Variants in RNF126 observed in about 807,000 individuals in gnomAD.
RNF126 encodes the protein ring finger protein 126.
In RNF126, 20 loss-of-function variants were observed where a neutral mutation model predicts 41.9. The observed-to-expected ratio is 0.48, with a 90% CI of 0.34 to 0.69. The LOEUF (loss-of-function observed/expected upper bound fraction) is 0.69. Among genes scored for constraint, RNF126 ranks in the 30% least tolerant of loss-of-function variants. The pLI is 0.01. For missense variants in RNF126, 433 were observed against 460.6 expected (o/e 0.94, Z 0.55); for synonymous variants, 239 against 202.9 (o/e 1.18, Z -1.51).
At position 651,838 on chromosome 19, in the gene RNF126, C is replaced by T. The variant is rs994988852; in HGVS notation, c.216G>A (p.Leu72=). ...RPPLEHVDQH[L]FTLPQGYGQF... ...GTCCGTAGCCCTGCGGCAGCGTGAA[C>T]AGGTGCTGGTCCACGTGCTGGGGAG... Residue 72 remains leucine (L), a synonymous_variant, in exon 4 of 9, where the codon CTG becomes CTA. Coordinates refer to ENST00000292363, the MANE Select transcript of RNF126 (RefSeq NM_194460.3). 1.2e-6 allele frequency: 2 copies of T among 1,610,892 alleles called. No homozygotes were observed. Among genetic ancestry groups the T allele is most frequent in the African/African-American group, 1.3e-5 (1 of 74,872 alleles).
chr19:661,990 G>A (rs1241576714), intron 1 of RNF126, among the ~76,000 whole-genome samples: 1 of 152,070 alleles, frequency 6.6e-6, no homozygotes, highest in Non-Finnish European at 1.5e-5. Flanking sequence ...TCACCACTTT[G>A]CACGTCAGCC....
chr19:660,798 T>C (rs1007144449), intron 1 of RNF126, among the ~76,000 whole-genome samples: 6 of 152,174 alleles, frequency 3.9e-5, no homozygotes, highest in African/African-American at 1.4e-4. Context: ...CACACCCCAC[T>C]AATTGTTTTA....
At chr19:654,575 G>C (rs1021038815) in intron 1 of RNF126, among the ~76,000 whole-genome samples, 1 of 146,128 alleles carries the variant, frequency 6.8e-6, no homozygotes, top group Non-Finnish European at 1.5e-5. Context: ...CCCGGGAGGC[G>C]GAGGTTGCAG....
intron 1 of RNF126, among the ~76,000 whole-genome samples, chr19:655,786 A>G (rs896064105): frequency 4.6e-5 from 7 of 152,260 alleles, no homozygotes; most frequent in African/African-American, 1.2e-4. Context: ...ACAGTTCATC[A>G]TCGTCGTCGG....
At position 659,162 on chromosome 19, in the gene RNF126, C is replaced by T. The variant is rs1389571040; in HGVS notation, c.75+3885G>A. On this transcript the variant is annotated intron_variant, in intron 1 of 8. Transcript: ENST00000292363. The surrounding 1 kb of genome is among the most constrained non-coding windows in gnomAD (Gnocchi z 4.9). ...AGGCTGTCACTGTCACGGTATCTGG[C>T]ACAACCGCAGACACACAGAGCAAGC... Among the ~76,000 whole-genome samples, 2 of 152,176 alleles carry T rather than the reference C, an allele frequency of 1.3e-5. No individual in the cohort carries two copies. The highest frequency in any genetic ancestry group is 4.8e-5 in the African/African-American group (2 of 41,434).
intron 1 of RNF126, among the ~76,000 whole-genome samples, chr19:655,618 C>T (rs753018657): frequency 4.6e-5 from 7 of 151,996 alleles, no homozygotes; most frequent in African/African-American, 7.2e-5. Flanking sequence ...TGCAAGACCC[C>T]GTCAGGCCTG....
chr19:648,465 C>A lies in RNF126; in HGVS notation c.693G>T (p.Val231=). ...EHVGSGLECP[V]CKDDYALGER... ...CACCCAGCGCGTAGTCGTCCTTGCA[C>A]ACAGGGCACTCGAGCCCGGAGCCTG... The change falls in exon 8 of 9, where the codon GTG becomes GTT. Residue 231 remains valine (V), a synonymous_variant. Coordinates refer to ENST00000292363, the MANE Select transcript of RNF126 (RefSeq NM_194460.3). The A allele has an allele frequency of 6.3e-7, 1 of 1,585,280 alleles. No homozygotes were observed. The highest frequency in any genetic ancestry group is 8.6e-7 in the Non-Finnish European group (1 of 1,169,306).
chr19:654,121 C>T (rs551224314), intron 1 of RNF126, among the ~76,000 whole-genome samples: 1 of 152,348 alleles, frequency 6.6e-6, no homozygotes, highest in East Asian at 1.9e-4. Flanking sequence ...GCTGGGCCCC[C>T]GCCCACACCA....
intron 1 of RNF126, among the ~76,000 whole-genome samples, chr19:660,167 C>G (rs2030735438): frequency 6.6e-6 from 1 of 152,256 alleles, no homozygotes; most frequent in Middle Eastern, 3.2e-3. Flanking sequence ...TCACGAGTCA[C>G]CAGGAGAGCG....
intron 1 of RNF126, among the ~76,000 whole-genome samples, chr19:661,046 A>G (rs1362763757): frequency 1.3e-5 from 2 of 152,248 alleles, no homozygotes; most frequent in South Asian, 2.1e-4. Context: ...CTCCCTGGCC[A>G]GCCTGTAAAT....
At chr19:652,666 G>T in intron 2 of RNF126, 160 bp downstream of exon 2, 1 of 675,582 alleles carries the variant, frequency 1.5e-6, no homozygotes. Context: ...GAAGAGAACG[G>T]CACGCTGCTG....
rs1011330137 is a variant in RNF126, at chr19:658,554, G to C, written c.75+4493C>G. Among the ~76,000 whole-genome samples the C allele has an allele frequency of 2.0e-5, 3 of 152,236 alleles. No homozygotes were observed. The Middle Eastern group carries it at 0.01, about 518-fold the overall frequency. On this transcript the variant is annotated intron_variant, in intron 1 of 8. Transcript: ENST00000292363. ...CTTCCCGGCTGATCCACAGTGTGTG[G>C]GCCCCGCAGCCCCAGAGGCACGGGC...
At chr19:661,920 C>T (rs1422145332) in intron 1 of RNF126, among the ~76,000 whole-genome samples, 1 of 152,188 alleles carries the variant, frequency 6.6e-6, no homozygotes, top group Non-Finnish European at 1.5e-5. Context: ...TGCCACTTTC[C>T]CGCTGAGCCA....
rs548436367 is a variant in RNF126, at chr19:660,590, G to A, written c.75+2457C>T. 4.6e-5 allele frequency among the ~76,000 whole-genome samples: 7 copies of A among 152,300 alleles called. No individual in the cohort carries two copies. The East Asian group carries it at 9.7e-4, about 21-fold the overall frequency. On this transcript the variant is annotated intron_variant, in intron 1 of 8. Transcript: ENST00000292363. ...CCCCATTGCCAGATACGGAGCAGCC[G>A]TCCCTCCCCAGAACAAACGCCAGGT...
chr19:653,450 G>T (rs2030420313), intron 1 of RNF126, among the ~76,000 whole-genome samples: 3 of 152,218 alleles, frequency 2.0e-5, no homozygotes, highest in African/African-American at 4.8e-5. Context: ...ACAGCCGTGG[G>T]TGAGTCCCAA....
intron 1 of RNF126, among the ~76,000 whole-genome samples, chr19:662,559 G>T (rs535172859): frequency 6.6e-6 from 1 of 152,094 alleles, no homozygotes; most frequent in African/African-American, 2.4e-5. Context: ...AGGCGCCGGC[G>T]CCCCCAACCA....
intron 1 of RNF126, among the ~76,000 whole-genome samples, chr19:657,939 A>G (rs1600641005): frequency 6.6e-6 from 1 of 152,028 alleles, no homozygotes. Context: ...CTCGTATTAA[A>G]TCGGGGCAGC....
chr19:658,024 G>C (rs1309756785), intron 1 of RNF126, among the ~76,000 whole-genome samples: 3 of 151,978 alleles, frequency 2.0e-5, no homozygotes, highest in Non-Finnish European at 4.4e-5. Context: ...GCACGCACTG[G>C]GGGCCCCCAC....
intron 1 of RNF126, among the ~76,000 whole-genome samples, chr19:657,021 G>A (rs116754142): frequency 7.4e-4 from 113 of 152,274 alleles, no homozygotes; most frequent in African/African-American, 2.5e-3. Flanking sequence ...GACTCCCCAG[G>A]CTAGCACCAC....
Sources: gnomAD v4.1 joint callset for allele counts (sites outside exome capture counted in the v4.1 genomes callset) on GRCh38, gnomAD v4.1.1 for gene constraint, Gnocchi (gnomAD v3.1) non-coding constraint, MANE v1.5 for transcripts, NCBI Gene and HGNC (gene_info 2026-07-23, HGNC 2026-07-21) for gene names.